Variants in SEPTIN9 observed in about 807,000 individuals in gnomAD.
SEPTIN9 encodes septin 9, also known as septin-9.
Under a neutral mutation model 56.6 loss-of-function variants are expected in SEPTIN9, and 13 were observed. That is an observed-to-expected ratio of 0.23 (90% CI 0.15 to 0.37). SEPTIN9 has a LOEUF of 0.37. SEPTIN9 is among the 10% of genes least tolerant of loss of function. The pLI is 1.00. For synonymous variants in SEPTIN9, 332 were observed against 334.1 expected, an observed-to-expected ratio of 0.99 and a Z score of 0.07; for missense variants, 650 against 823.1, an observed-to-expected ratio of 0.79 and a Z score of 2.57.
chr17:77,396,774 A>G (rs544521105), intron 2 of SEPTIN9, among the ~76,000 whole-genome samples: 1 of 152,256 alleles, frequency 6.6e-6, no homozygotes, highest in African/African-American at 2.4e-5. Flanking sequence ...CATCCCTGGC[A>G]GGGATGATCT....
At chr17:77,399,657 G>A (rs1476093582) in intron 2 of SEPTIN9, among the ~76,000 whole-genome samples, 1 of 151,698 alleles carries the variant, frequency 6.6e-6, no homozygotes, top group Non-Finnish European at 1.5e-5. Flanking sequence ...GTGTAGATGT[G>A]ATGAGCTTGG....
Position 77,488,828 on chromosome 17 carries a change from A to G in SEPTIN9, c.1226A>G (p.His409Arg). The G allele has an allele frequency of 6.2e-7, 1 of 1,613,746 alleles. No individual in the cohort carries two copies. Among genetic ancestry groups the G allele is most frequent in the Non-Finnish European group, 8.5e-7 (1 of 1,179,862 alleles). The change falls in exon 7 of 12, where the codon CAC (histidine) becomes CGC (arginine). Residue 409 changes from histidine (H) to arginine (R), a missense_variant. Physicochemically the swap from His to Arg is conservative, Grantham distance 29. This residue lies in a region of SEPTIN9 where 333 missense variants were observed against 494.0 expected (regional missense o/e 0.67). Coordinates refer to ENST00000427177, the MANE Select transcript of SEPTIN9 (RefSeq NM_001113491.2). ...AAGCGCATCCCGGACACCCGCGTCC[A>G]CTGCTGCCTCTACTTCATCCCCGCC... is the stretch of plus-strand genomic sequence containing the variant. ...RKKRIPDTRV[H>R]CCLYFIPATG...
intron 2 of SEPTIN9, among the ~76,000 whole-genome samples, chr17:77,322,289 A>T (rs995838034): frequency 6.6e-6 from 1 of 152,186 alleles, no homozygotes; most frequent in Non-Finnish European, 1.5e-5. Flanking sequence ...GAAAGCAGCC[A>T]GTGCTGTGCC....
chr17:77,373,238 G>A (rs1238712687), intron 2 of SEPTIN9: 1 of 1,129,350 alleles, frequency 8.9e-7, no homozygotes, highest in African/African-American at 1.6e-5. Flanking sequence ...TGCGAGACAG[G>A]GAGGCCGGTG....
intron 4 of SEPTIN9, among the ~76,000 whole-genome samples, chr17:77,485,052 TTG>T (rs1568112468): frequency 1.3e-5 from 1 of 76,616 alleles, no homozygotes; most frequent in Non-Finnish European, 2.8e-5. Flanking sequence ...ATGGTGGTGA[TTG>T]TGGTGGTGGT....
At chr17:77,448,074 T>C (rs1381130325) in intron 3 of SEPTIN9, among the ~76,000 whole-genome samples, 4 of 152,214 alleles carry the variant, frequency 2.6e-5, no homozygotes, top group African/African-American at 4.8e-5. Flanking sequence ...GTCCTCTAAA[T>C]GTGGCTTGTA....
rs1346128104 is a variant in SEPTIN9, at chr17:77,383,363, A to G, written c.77-18696A>G. 2.0e-5 allele frequency among the ~76,000 whole-genome samples: 3 copies of G among 151,954 alleles called. No homozygotes were observed. The East Asian group carries it at 5.8e-4, about 30-fold the overall frequency. On this transcript the variant is annotated intron_variant, in intron 2 of 11. Coordinates refer to ENST00000427177, the MANE Select transcript of SEPTIN9 (RefSeq NM_001113491.2). ...GCCCTGGGCTGGTACTTTGTATACAAGGTGTCTTTTAATCCCCACGAGAGC... is the reference window on the plus strand; with the variant it reads ...GCCCTGGGCTGGTACTTTGTATACAGGGTGTCTTTTAATCCCCACGAGAGC...
intron 4 of SEPTIN9, chr17:77,482,543 T>A (rs1267442474): frequency 1.4e-6 from 1 of 706,910 alleles, no homozygotes; most frequent in Non-Finnish European, 2.6e-6. Context: ...GAGGGGCCTG[T>A]CCTGCACATC....
intron 2 of SEPTIN9, among the ~76,000 whole-genome samples, chr17:77,377,574 C>G (rs1457658771): frequency 6.6e-6 from 1 of 152,042 alleles, no homozygotes. Context: ...TTCTCCCGAG[C>G]CCCCACTGTC....
chr17:77,328,630 T>A (rs959148206), intron 2 of SEPTIN9, among the ~76,000 whole-genome samples: 3 of 152,158 alleles, frequency 2.0e-5, no homozygotes, highest in Non-Finnish European at 4.4e-5. Flanking sequence ...CCTCCCAAAG[T>A]GCTGGGATTA....
chr17:77,496,716 A>G (rs987109188), intron 10 of SEPTIN9, among the ~76,000 whole-genome samples: 6 of 152,174 alleles, frequency 3.9e-5, no homozygotes, highest in African/African-American at 1.4e-4. Context: ...TCCCTGAGCA[A>G]TGTTTAGCAT....
At chr17:77,380,363 C>A (rs1395885502) in intron 2 of SEPTIN9, 1 of 136,102 alleles carries the variant, frequency 7.3e-6, no homozygotes, top group African/African-American at 2.9e-5. Context: ...TCAGACTCTA[C>A]TGGGCTTCTC....
chr17:77,356,423 C>T (rs1000209930), intron 2 of SEPTIN9, among the ~76,000 whole-genome samples: 4 of 151,770 alleles, frequency 2.6e-5, no homozygotes, highest in Admixed American at 1.3e-4. Flanking sequence ...CCAGTGGCTC[C>T]GTGAACTGCC....
At chr17:77,373,626 G>T in intron 2 of SEPTIN9, 2 of 1,520,528 alleles carry the variant, frequency 1.3e-6, no homozygotes, top group South Asian at 1.2e-5. Context: ...GCGCGGGACG[G>T]GGGTGCGCTG....
rs1265398329 is a variant in SEPTIN9 at position 77,454,101 on chromosome 17, T to G, written c.722-28043T>G. 4.1e-6 allele frequency: 4 copies of G among 985,550 alleles called. No homozygotes were observed. The African/African-American group carries it at 7.0e-5, about 17-fold the overall frequency. The allele number at this position is 985,550 out of a possible 1,614,324, so 61.1% of individuals were successfully genotyped here. On this transcript the variant is annotated intron_variant, in intron 3 of 11. Coordinates refer to ENST00000427177, the MANE Select transcript of SEPTIN9 (RefSeq NM_001113491.2). Reference sequence around the variant, plus strand: ...TTTCAATGCTTGAGAGTAGGGTCAATGGCCAGGGTAAGCTGTGGGGGCTCC... The same window carrying G: ...TTTCAATGCTTGAGAGTAGGGTCAAGGGCCAGGGTAAGCTGTGGGGGCTCC...
intron 1 of SEPTIN9, chr17:77,288,067 G>T: frequency 9.4e-7 from 1 of 1,063,458 alleles, no homozygotes; most frequent in Non-Finnish European, 1.1e-6. Flanking sequence ...TGGGTTAGGG[G>T]GCACGGAGGG....
rs2033170008 is a variant in SEPTIN9, at chr17:77,327,181, C to T, written c.76+19984C>T. ...GGCAATGCCTCCCTCTCCTGGGCTC[C>T]TGGGACCCCTCCGGCCCCACCACCC... On this transcript the variant is annotated intron_variant, in intron 2 of 11. Coordinates refer to ENST00000427177, the MANE Select transcript of SEPTIN9 (RefSeq NM_001113491.2). This position sits in a 1 kb window ranked among gnomAD's most constrained non-coding sequence, Gnocchi z 5.0. Among the ~76,000 whole-genome samples the T allele has an allele frequency of 6.6e-6, 1 of 152,138 alleles. No homozygotes were observed. Among genetic ancestry groups the T allele is most frequent in the South Asian group, 2.1e-4 (1 of 4,820 alleles).
At chr17:77,480,333 C>T (rs996725084) in intron 3 of SEPTIN9, among the ~76,000 whole-genome samples, 2 of 152,246 alleles carry the variant, frequency 1.3e-5, no homozygotes, top group African/African-American at 4.8e-5. Context: ...TCTGATGCCT[C>T]AGGCCTGGGG....
chr17:77,411,214 G>GT (rs1467786449), intron 3 of SEPTIN9, among the ~76,000 whole-genome samples: 1 of 152,172 alleles, frequency 6.6e-6, no homozygotes, highest in Non-Finnish European at 1.5e-5. Context: ...TGACAGCTGG[G>GT]TGTGGCATTC....
Sources: allele counts gnomAD v4.1 joint callset (sites outside exome capture counted in the v4.1 genomes callset), GRCh38; gene constraint gnomAD v4.1.1; regional missense constraint gnomAD v4.1.1; non-coding constraint Gnocchi (gnomAD v3.1); transcripts MANE v1.5; gene names NCBI Gene and HGNC (gene_info 2026-07-23, HGNC 2026-07-21).